Variants in COX10 observed in about 807,000 individuals in gnomAD.
The protein encoded by COX10 is cytochrome c oxidase assembly factor heme A:farnesyltransferase COX10, also known as protoheme IX farnesyltransferase, mitochondrial.
A neutral mutation model predicts 37.3 loss-of-function variants in COX10; 27 were observed. That is an observed-to-expected ratio of 0.72 (90% confidence interval 0.53 to 1.00). COX10 has a LOEUF of 1.00. COX10 is among the 50% of genes least tolerant of loss of function. The pLI is 0.00. For synonymous variants in COX10, 222 were observed against 229.1 expected (o/e 0.97, Z 0.28); for missense variants, 475 against 563.2 (o/e 0.84, Z 1.59).
At position 14,081,073 on chromosome 17, in the gene COX10, G is replaced by C. The variant is rs187300367; in HGVS notation, c.499+4017G>C. On this transcript the variant is annotated intron_variant, in intron 3 of 6. Transcript: ENST00000261643. Reference sequence around the variant, plus strand: ...GCAAGGATCACCTGTTTTTGTAAATGAAGTTTTATTGGAACACAACCACGC... The same window carrying C: ...GCAAGGATCACCTGTTTTTGTAAATCAAGTTTTATTGGAACACAACCACGC... 9.3e-4 allele frequency among the ~76,000 whole-genome samples: 141 copies of C among 152,332 alleles called. 1 individual carries two copies. The highest frequency in any genetic ancestry group is 9.0e-3 in the Admixed American group (137 of 15,300).
At chr17:14,082,020 G>A (rs1915307244) in intron 3 of COX10, among the ~76,000 whole-genome samples, 1 of 152,184 alleles carries the variant, frequency 6.6e-6, no homozygotes, top group Non-Finnish European at 1.5e-5. Context: ...GCTGTGAAAG[G>A]CAAGAGCTCA....
chr17:14,198,733 A>C (rs1906441782), intron 6 of COX10, among the ~76,000 whole-genome samples: 1 of 152,204 alleles, frequency 6.6e-6, no homozygotes, highest in Non-Finnish European at 1.5e-5. Context: ...CCTGGATGAG[A>C]AAGTAGAGTC....
chr17:14,101,432 C>G (rs1234469359), intron 3 of COX10, among the ~76,000 whole-genome samples: 1 of 152,182 alleles, frequency 6.6e-6, no homozygotes, highest in South Asian at 2.1e-4. Context: ...CATATCAGCA[C>G]CACTCTTGGA....
rs139330871 is a variant in COX10 at position 14,154,550 on chromosome 17, T to G, written c.625-5327T>G. The stretch of plus-strand genomic sequence containing the variant: ...GGATTGAAAGGAGAGAGGGATAACA[T>G]TTAAGTCAGAAGTTTAGGCTTCAGT... On this transcript the variant is annotated intron_variant, in intron 4 of 6. Transcript: ENST00000261643. 3.9e-3 allele frequency among the ~76,000 whole-genome samples: 588 copies of G among 152,318 alleles called. 4 individuals are homozygous for G. The highest frequency in any genetic ancestry group is 0.012 in the African/African-American group (504 of 41,570).
intron 1 of COX10, among the ~76,000 whole-genome samples, 172 bp from the exon 2 acceptor site, chr17:14,074,151 C>A (rs1453709011): frequency 1.3e-5 from 2 of 152,176 alleles, no homozygotes; most frequent in Non-Finnish European, 2.9e-5. Context: ...ATGAGTAGGG[C>A]TGGTAAATTG....
intron 4 of COX10, among the ~76,000 whole-genome samples, chr17:14,159,344 C>A (rs1905123084): frequency 6.6e-6 from 1 of 152,176 alleles, no homozygotes; most frequent in African/African-American, 2.4e-5. Context: ...GTGAAAGATT[C>A]TGAAATTATT....
At chr17:14,083,551 A>G (rs969666446) in intron 3 of COX10, among the ~76,000 whole-genome samples, 5 of 152,246 alleles carry the variant, frequency 3.3e-5, no homozygotes, top group Non-Finnish European at 7.3e-5. Flanking sequence ...TAACTGTGGA[A>G]TAAGTGAAGG....
intron 4 of COX10, among the ~76,000 whole-genome samples, chr17:14,140,007 A>C: frequency 6.6e-6 from 1 of 152,178 alleles, no homozygotes; most frequent in African/African-American, 2.4e-5. Flanking sequence ...CATCTTTACA[A>C]GGAACTTTCT....
At chr17:14,148,259 G>GA (rs1177704980) in intron 4 of COX10, among the ~76,000 whole-genome samples, 2 of 152,150 alleles carry the variant, frequency 1.3e-5, no homozygotes, top group Non-Finnish European at 2.9e-5. Context: ...CCTCATGGGG[G>GA]AAAATCAATG....
intron 4 of COX10, among the ~76,000 whole-genome samples, chr17:14,159,522 G>C (rs556374268): frequency 6.6e-6 from 1 of 152,272 alleles, no homozygotes; most frequent in South Asian, 2.1e-4. Flanking sequence ...GCAGGTTCTG[G>C]AGGGCCTACT....
In COX10 at chr17:14,102,234, A is replaced by C. The variant is rs1431965802; in HGVS notation, c.616A>C (p.Ile206Leu). 6.2e-7 allele frequency: 1 copy of C among 1,613,614 alleles called. No individual in the cohort carries two copies. The change falls in exon 4 of 7, where the codon ATC (isoleucine) becomes CTC (leucine). Residue 206 changes from isoleucine (I) to leucine (L), a missense_variant. By Grantham distance (5) the Ile-to-Leu change is conservative. Coordinates refer to ENST00000261643, the MANE Select transcript of COX10 (RefSeq NM_001303.4). ...TGLASCAANS[I>L]NQFFEVPFDS... The stretch of plus-strand genomic sequence containing the variant: ...CCTTGCATCCTGTGCTGCCAACTCC[A>C]TCAATCAGGTCAGTTTCTCACTTTC...
At chr17:14,153,748 C>T (rs1168125722) in intron 4 of COX10, among the ~76,000 whole-genome samples, 1 of 152,162 alleles carries the variant, frequency 6.6e-6, no homozygotes, top group Admixed American at 6.5e-5. Context: ...GTGTGTTTAG[C>T]TTTGAGAGTG....
chr17:14,104,899 A>G (rs1199604117), intron 4 of COX10, among the ~76,000 whole-genome samples: 1 of 152,150 alleles, frequency 6.6e-6, no homozygotes, highest in African/African-American at 2.4e-5. Flanking sequence ...TAATACGTAC[A>G]CATGCTTCAT....
intron 3 of COX10, among the ~76,000 whole-genome samples, chr17:14,090,819 C>T (rs147220286): frequency 1.1e-3 from 160 of 152,252 alleles, no homozygotes; most frequent in Non-Finnish European, 1.9e-3. Flanking sequence ...ATAATTAATG[C>T]CTGTTCACTT....
At chr17:14,173,228 G>C (rs1350746122) in intron 5 of COX10, among the ~76,000 whole-genome samples, 2 of 152,190 alleles carry the variant, frequency 1.3e-5, no homozygotes, top group Non-Finnish European at 2.9e-5. Context: ...GGTAGCTAAT[G>C]CTTAATAATG....
intron 1 of COX10, among the ~76,000 whole-genome samples, chr17:14,071,292 G>A (rs1915016580): frequency 6.6e-6 from 1 of 152,160 alleles, no homozygotes; most frequent in Non-Finnish European, 1.5e-5. Context: ...CCAGTAGGTG[G>A]GCTGCATGTG....
At chr17:14,141,606 G>A (rs1401995911) in intron 4 of COX10, among the ~76,000 whole-genome samples, 1 of 151,194 alleles carries the variant, frequency 6.6e-6, no homozygotes, top group African/African-American at 2.4e-5. Flanking sequence ...TCTCATTGTG[G>A]AATAAAAGTC....
intron 3 of COX10, among the ~76,000 whole-genome samples, chr17:14,079,156 A>G (rs1469097563): frequency 6.6e-6 from 1 of 152,240 alleles, no homozygotes; most frequent in Non-Finnish European, 1.5e-5. Context: ...AGGAATAATA[A>G]TAGATCATTT....
At chr17:14,101,353 C>T (rs1034022462) in intron 3 of COX10, among the ~76,000 whole-genome samples, 2 of 152,166 alleles carry the variant, frequency 1.3e-5, no homozygotes, top group Non-Finnish European at 2.9e-5. Context: ...ACTTAAATGT[C>T]ATCTTCTTGA....
Sources: allele counts gnomAD v4.1 joint callset (sites outside exome capture counted in the v4.1 genomes callset), GRCh38; gene constraint gnomAD v4.1.1; transcripts MANE v1.5; gene names NCBI Gene and HGNC (gene_info 2026-07-23, HGNC 2026-07-21).